CBLB: variants seen among roughly 807,000 people sequenced by gnomAD.
CBLB encodes E3 ubiquitin-protein ligase CBL-B.
Under a neutral mutation model 104.9 loss-of-function variants are expected in CBLB, and 31 were observed. The ratio of observed to expected loss-of-function variants is 0.30; its 90% CI spans 0.22 to 0.40. The LOEUF is 0.40. Among genes scored for constraint, CBLB ranks in the 10% least tolerant of loss-of-function variants. The probability of loss-of-function intolerance (pLI) is 1.00; values close to 1 mark genes in which losing one functional copy is unlikely to be tolerated. For missense variants in CBLB, 1,062 were observed against 1,214.6 expected (o/e 0.87, Z 1.87); for synonymous variants, 440 against 422.6 (o/e 1.04, Z -0.51).
intron 4 of CBLB, among the ~76,000 whole-genome samples, chr3:105,768,918 T>C (rs950494288): frequency 1.3e-5 from 2 of 152,248 alleles, no homozygotes; most frequent in South Asian, 2.1e-4. Flanking sequence ...ATGTAGGAAC[T>C]GATCATTTAA....
At chr3:105,729,468 T>C (rs977672301) in intron 9 of CBLB, among the ~76,000 whole-genome samples, 1 of 152,138 alleles carries the variant, frequency 6.6e-6, no homozygotes, top group Non-Finnish European at 1.5e-5. Flanking sequence ...ATTCTTCCTG[T>C]GCACAGTTAA....
At position 105,815,329 on chromosome 3, in the gene CBLB, C is replaced by T. The variant is rs149410853; in HGVS notation, c.419+38085G>A. 6.5e-4 allele frequency among the ~76,000 whole-genome samples: 99 copies of T among 152,140 alleles called. 1 individual carries two copies. Among genetic ancestry groups the T allele is most frequent in the African/African-American group, 2.3e-3 (94 of 41,518 alleles). On this transcript the variant is annotated intron_variant, in intron 3 of 18. Coordinates refer to ENST00000394030, the MANE Select transcript of CBLB (RefSeq NM_170662.5). ...TAGTGAAAGGAAAGACAAAAGCATC[C>T]GTTCTGTTCAAAGGATGATTAGCAA...
chr3:105,792,833 C>A (rs931447799), intron 3 of CBLB, among the ~76,000 whole-genome samples: 1 of 152,096 alleles, frequency 6.6e-6, no homozygotes, highest in Non-Finnish European at 1.5e-5. Flanking sequence ...CTCTGAGATT[C>A]CTAAATGCAA....
intron 4 of CBLB, among the ~76,000 whole-genome samples, chr3:105,774,074 T>G (rs1244773630): frequency 6.6e-6 from 1 of 152,054 alleles, no homozygotes. Flanking sequence ...CTTCAAGAGG[T>G]GGTTAGATCT....
intron 3 of CBLB, among the ~76,000 whole-genome samples, chr3:105,823,579 T>G (rs1471883696): frequency 6.6e-6 from 1 of 152,184 alleles, no homozygotes; most frequent in Non-Finnish European, 1.5e-5. Context: ...ATCATTCTAT[T>G]CCAAATCCTC....
chr3:105,841,867 G>A (rs1386366877), intron 3 of CBLB, among the ~76,000 whole-genome samples: 1 of 152,140 alleles, frequency 6.6e-6, no homozygotes, highest in Non-Finnish European at 1.5e-5. Flanking sequence ...AGAAAGAACA[G>A]AACATAAATA....
intron 9 of CBLB, among the ~76,000 whole-genome samples, chr3:105,733,727 A>C (rs1396341576): frequency 1.3e-5 from 2 of 152,202 alleles, no homozygotes; most frequent in Non-Finnish European, 2.9e-5. Context: ...AATGGCATAA[A>C]AATGTCTAGT....
At chr3:105,703,500 G>A (rs1177825051) in intron 11 of CBLB, among the ~76,000 whole-genome samples, 1 of 152,012 alleles carries the variant, frequency 6.6e-6, no homozygotes, top group African/African-American at 2.4e-5. Flanking sequence ...TGCAAATATT[G>A]CAATTCATTG....
chr3:105,708,327 C>T (rs1488355753), intron 10 of CBLB, among the ~76,000 whole-genome samples: 1 of 152,060 alleles, frequency 6.6e-6, no homozygotes, highest in East Asian at 1.9e-4. Context: ...ACTGATTTGT[C>T]CACTGTTCCT....
In CBLB at chr3:105,676,242, A is replaced by G. The variant is rs1047572098; in HGVS notation, c.2569+2189T>C. Among the ~76,000 whole-genome samples the G allele has an allele frequency of 6.6e-5, 10 of 152,192 alleles. No homozygotes were observed. In the East Asian group the frequency reaches 1.5e-3, roughly 23 times the overall value. On this transcript the variant is annotated intron_variant, in intron 17 of 18. Coordinates refer to ENST00000394030, the MANE Select transcript of CBLB (RefSeq NM_170662.5). Reference sequence around the variant, plus strand: ...TTATAAAAATTGCATTTTAGCTAATAAGAGGGGACATTTTCATTTTAAACT... The same window carrying G: ...TTATAAAAATTGCATTTTAGCTAATGAGAGGGGACATTTTCATTTTAAACT...
chr3:105,739,447 G>T (rs2075300455), intron 7 of CBLB, among the ~76,000 whole-genome samples: 1 of 152,076 alleles, frequency 6.6e-6, no homozygotes. Flanking sequence ...AGAAAAAGCA[G>T]CATGATCAAG....
intron 5 of CBLB, among the ~76,000 whole-genome samples, chr3:105,748,776 T>C (rs539767003): frequency 6.6e-6 from 1 of 152,270 alleles, no homozygotes; most frequent in East Asian, 1.9e-4. Context: ...AGCAAACATT[T>C]TTACTTCTTT....
chr3:105,725,592 T>A (rs77623658), intron 9 of CBLB, among the ~76,000 whole-genome samples: 3,410 of 152,288 alleles, frequency 0.022, 88 homozygotes, highest in East Asian at 0.12. Flanking sequence ...GTTCATAATG[T>A]TACTATAACG....
intron 3 of CBLB, among the ~76,000 whole-genome samples, chr3:105,781,794 T>C (rs1213934655): frequency 1.3e-5 from 2 of 152,212 alleles, no homozygotes; most frequent in Non-Finnish European, 2.9e-5. Flanking sequence ...CTGCTTTTGG[T>C]AGAAGAAATG....
At chr3:105,861,503 G>T (rs1174602439) in intron 2 of CBLB, among the ~76,000 whole-genome samples, 2 of 151,436 alleles carry the variant, frequency 1.3e-5, no homozygotes, top group Non-Finnish European at 2.9e-5. Flanking sequence ...ACATTTATTC[G>T]CCAAGATTAA....
intron 17 of CBLB, chr3:105,671,079 T>C (rs900558027): frequency 1.6e-5 from 3 of 185,120 alleles, no homozygotes; most frequent in Non-Finnish European, 3.4e-5. Flanking sequence ...ATTTACTAAC[T>C]GGAACTAAAG....
At chr3:105,817,055 CAT>C (rs1196068020) in intron 3 of CBLB, among the ~76,000 whole-genome samples, 1 of 152,040 alleles carries the variant, frequency 6.6e-6, no homozygotes, top group Admixed American at 6.6e-5. Context: ...ATTAGCATGA[CAT>C]GTTTTTAGAA....
chr3:105,787,085 C>A (rs2081118980), intron 3 of CBLB, among the ~76,000 whole-genome samples: 1 of 152,090 alleles, frequency 6.6e-6, no homozygotes, highest in South Asian at 2.1e-4. Context: ...AAAGTAATCA[C>A]AGAAAAACAT....
chr3:105,740,587 A>G lies in CBLB; in HGVS notation c.890T>C (p.Ile297Thr). ...ATTCCCATCCCCAGTCACATAGCCA[A>G]TGGCCCACTGTCCCAATCGAGTGCA... ...LSCTRLGQWA[I>T]GYVTGDGNIL... is the part of the protein sequence containing the mutation. Residue 297 changes from isoleucine (I) to threonine (T), a missense_variant, in exon 7 of 19, where the codon ATT (isoleucine) becomes ACT (threonine). This residue lies in a region of CBLB where 457 missense variants were observed against 632.0 expected (regional missense o/e 0.72). Coordinates refer to ENST00000394030, the MANE Select transcript of CBLB (RefSeq NM_170662.5). The G allele has an allele frequency of 6.2e-7, 1 of 1,614,058 alleles. No individual in the cohort carries two copies. The highest frequency in any genetic ancestry group is 8.5e-7 in the Non-Finnish European group (1 of 1,179,900).
Sources: gnomAD v4.1 joint callset for allele counts (sites outside exome capture counted in the v4.1 genomes callset) on GRCh38, gnomAD v4.1.1 for gene constraint, gnomAD v4.1.1 regional missense constraint, MANE v1.5 for transcripts, NCBI Gene and HGNC (gene_info 2026-07-23, HGNC 2026-07-21) for gene names.